RTL4: variants seen among roughly 807,000 people sequenced by gnomAD.
RTL4 encodes the protein retrotransposon Gag like 4.
RTL4 carries 4 observed loss-of-function variants against 5.3 expected under a neutral mutation model. The observed-to-expected ratio is 0.75, with a 90% CI of 0.37 to 1.72. The LOEUF is 1.72. Ranked by LOEUF, RTL4 falls within the 40% of genes most tolerant of loss-of-function variation. The pLI is 0.04. For missense variants in RTL4, 260 were observed against 227.1 expected (o/e 1.14, Z -0.93); for synonymous variants, 98 against 87.3 (o/e 1.12, Z -0.68).
the RTL4 span, among the ~76,000 whole-genome samples, chrX:112,240,818 C>T: frequency 2.7e-5 from 3 of 110,494 alleles, no homozygotes; most frequent in Non-Finnish European, 5.7e-5. Flanking sequence ...AATGCTATCC[C>T]TCCCCCCACC....
chrX:112,446,129 G>A, the RTL4 span, among the ~76,000 whole-genome samples: 2 of 111,909 alleles, frequency 1.8e-5, no homozygotes, highest in East Asian at 5.6e-4. Flanking sequence ...AAACTTGTGG[G>A]CCAGTTATGC....
At chrX:112,127,026 C>A in the RTL4 span, among the ~76,000 whole-genome samples, 1 of 112,001 alleles carries the variant, frequency 8.9e-6, no homozygotes, top group Non-Finnish European at 1.9e-5. Flanking sequence ...CCTTGTTAAA[C>A]TTCCAAAAAA....
At chrX:112,361,077 C>T in the RTL4 span, among the ~76,000 whole-genome samples, 1 of 111,791 alleles carries the variant, frequency 8.9e-6, no homozygotes, top group East Asian at 2.8e-4. Context: ...AAAACATTCA[C>T]AGCACTTAAA....
At chrX:112,352,557 C>T in the RTL4 span, among the ~76,000 whole-genome samples, 1 of 110,858 alleles carries the variant, frequency 9.0e-6, no homozygotes, top group Non-Finnish European at 1.9e-5. Flanking sequence ...CTTTGACAAA[C>T]CTGACAAAAA....
At chrX:112,172,812 A>G in the RTL4 span, among the ~76,000 whole-genome samples, 1 of 112,068 alleles carries the variant, frequency 8.9e-6, no homozygotes, top group Non-Finnish European at 1.9e-5. Context: ...CATATACTAC[A>G]TGGAATACTA....
the RTL4 span, among the ~76,000 whole-genome samples, chrX:112,120,530 C>G: frequency 5.5e-5 from 6 of 109,629 alleles, no homozygotes; most frequent in Non-Finnish European, 1.1e-4. Flanking sequence ...CCCACCTTGG[C>G]CTCCCAAAGT....
the RTL4 span, among the ~76,000 whole-genome samples, chrX:112,332,598 G>A: frequency 4.9e-5 from 5 of 102,172 alleles, no homozygotes; most frequent in Non-Finnish European, 7.9e-5. Flanking sequence ...ACCAAACATC[G>A]CATATTCTCA....
chrX:112,301,898 G>A, the RTL4 span, among the ~76,000 whole-genome samples: 2,899 of 108,564 alleles, frequency 0.027, 47 homozygotes, highest in Non-Finnish European at 0.039. Flanking sequence ...CCAGGAGGTC[G>A]AGGCTACAAC....
the RTL4 span, among the ~76,000 whole-genome samples, chrX:112,329,031 C>G: frequency 9.0e-6 from 1 of 111,174 alleles, no homozygotes; most frequent in Non-Finnish European, 1.9e-5. Context: ...AAATTTATAG[C>G]ACTAAATGCC....
upstream of RTL4, among the ~76,000 whole-genome samples, chrX:112,452,759 C>A (rs1233123788): frequency 1.8e-5 from 2 of 111,565 alleles, no homozygotes; most frequent in African/African-American, 6.5e-5. Context: ...TGGCCAGGTG[C>A]GGTGGCTCAC....
chrX:112,109,978 C>A, the RTL4 span, among the ~76,000 whole-genome samples: 16,499 of 111,249 alleles, frequency 0.15, 1,781 homozygotes, highest in African/African-American at 0.37. Flanking sequence ...CTGTAGCTTA[C>A]TGGCCTTGAT....
chrX:112,378,576 AT>A, the RTL4 span, among the ~76,000 whole-genome samples: 2 of 111,879 alleles, frequency 1.8e-5, no homozygotes, highest in Non-Finnish European at 3.8e-5. Context: ...AGATGTGAAG[AT>A]TTTTGAATCA....
At chrX:112,444,498 A>G in the RTL4 span, among the ~76,000 whole-genome samples, 1 of 111,738 alleles carries the variant, frequency 8.9e-6, no homozygotes, top group Admixed American at 9.5e-5. Flanking sequence ...TGGTATTTTG[A>G]TGGGGATTGC....
the RTL4 span, among the ~76,000 whole-genome samples, chrX:112,092,698 G>A: frequency 9.0e-6 from 1 of 111,028 alleles, no homozygotes; most frequent in Non-Finnish European, 1.9e-5. Context: ...TCATGGGGGT[G>A]GGTTTTTCCT....
At chrX:112,094,224 C>A in the RTL4 span, among the ~76,000 whole-genome samples, 3 of 111,672 alleles carry the variant, frequency 2.7e-5, no homozygotes, top group Non-Finnish European at 3.8e-5. Flanking sequence ...TTAAGAAATA[C>A]AATCAACAAA....
chrX:112,349,170 AC>A, the RTL4 span, among the ~76,000 whole-genome samples: 3 of 111,121 alleles, frequency 2.7e-5, no homozygotes, highest in Admixed American at 1.9e-4. Context: ...ACATTTATAT[AC>A]AATGAACTAT....
chrX:112,219,820 A>T, the RTL4 span, among the ~76,000 whole-genome samples: 1 of 112,213 alleles, frequency 8.9e-6, no homozygotes, highest in Non-Finnish European at 1.9e-5. Flanking sequence ...AAAACTGGAG[A>T]TAACTGGTCT....
At chrX:112,298,346 A>C in the RTL4 span, among the ~76,000 whole-genome samples, 2 of 112,077 alleles carry the variant, frequency 1.8e-5, no homozygotes, top group South Asian at 7.5e-4. Flanking sequence ...ACTCATAAAC[A>C]TTAGTTATTA....
At chrX:112,258,545 C>T in the RTL4 span, among the ~76,000 whole-genome samples, 1 of 111,112 alleles carries the variant, frequency 9.0e-6, no homozygotes, top group Non-Finnish European at 1.9e-5. Context: ...GTCTGTGAAC[C>T]GTATGTCCAT....
Sources: allele counts gnomAD v4.1 joint callset (sites outside exome capture counted in the v4.1 genomes callset), GRCh38; gene constraint gnomAD v4.1.1; transcripts MANE v1.5; gene names NCBI Gene and HGNC (gene_info 2026-07-23, HGNC 2026-07-21).